Variants in KDM4C observed in about 807,000 individuals in gnomAD.
KDM4C encodes the protein lysine-specific demethylase 4C.
A neutral mutation model predicts 129.3 loss-of-function variants in KDM4C; 81 were observed. The ratio of observed to expected loss-of-function variants is 0.63; its 90% CI spans 0.52 to 0.75. The LOEUF is 0.75. Ranked by LOEUF, KDM4C falls within the 30% of genes least tolerant of loss-of-function variation. The pLI is 0.00. For missense variants in KDM4C, 1,457 were observed against 1,304.0 expected, an observed-to-expected ratio of 1.12 and a Z score of -1.81; for synonymous variants, 573 against 456.1, an observed-to-expected ratio of 1.26 and a Z score of -3.26.
intron 8 of KDM4C, among the ~76,000 whole-genome samples, chr9:6,894,767 C>G (rs1443495433): frequency 2.0e-5 from 3 of 152,186 alleles, no homozygotes; most frequent in Non-Finnish European, 4.4e-5. Flanking sequence ...GAAATCCCAG[C>G]TGACAGAGCC....
At chr9:6,930,263 C>T (rs1232407550) in intron 8 of KDM4C, among the ~76,000 whole-genome samples, 1 of 152,134 alleles carries the variant, frequency 6.6e-6, no homozygotes. Context: ...TGAATTTTCA[C>T]ATTCTCAGAA....
intron 15 of KDM4C, among the ~76,000 whole-genome samples, chr9:7,028,747 A>G (rs1826221862): frequency 6.6e-6 from 1 of 151,958 alleles, no homozygotes; most frequent in Non-Finnish European, 1.5e-5. Context: ...TGGAACTGGG[A>G]TGTGTGATCT....
At position 7,095,588 on chromosome 9, in the gene KDM4C, G is replaced by A. The variant is rs12115780; in HGVS notation, c.2425-8097G>A. On this transcript the variant is annotated intron_variant, in intron 17 of 21. Transcript: ENST00000381309. Reference sequence around the variant, plus strand: ...CCAGCCTTCCTAAATTGTGCCATATGGGAAAATTATGTGTCCTTTAATTTA... The same window carrying A: ...CCAGCCTTCCTAAATTGTGCCATATAGGAAAATTATGTGTCCTTTAATTTA... Among the ~76,000 whole-genome samples the A allele has an allele frequency of 4.4e-3, 665 of 151,808 alleles. 4 individuals are homozygous for A. Among genetic ancestry groups the A allele is most frequent in the African/African-American group, 0.015 (621 of 41,404 alleles).
At chr9:7,163,770 A>C (rs1844059303) in intron 19 of KDM4C, among the ~76,000 whole-genome samples, 1 of 152,202 alleles carries the variant, frequency 6.6e-6, no homozygotes, top group Non-Finnish European at 1.5e-5. Flanking sequence ...CTACCCTTTC[A>C]ATTCCACATG....
chr9:7,060,723 G>A (rs888187552), intron 17 of KDM4C, among the ~76,000 whole-genome samples: 3 of 151,920 alleles, frequency 2.0e-5, no homozygotes, highest in Admixed American at 6.6e-5. Context: ...CTCGTGATCC[G>A]CCTGCCTCGG....
chr9:6,883,237 C>T (rs1357245860), intron 6 of KDM4C, among the ~76,000 whole-genome samples: 1 of 152,094 alleles, frequency 6.6e-6, no homozygotes, highest in Admixed American at 6.6e-5. Flanking sequence ...AGCTGATAGT[C>T]TGAAATATTA....
intron 5 of KDM4C, among the ~76,000 whole-genome samples, chr9:6,877,140 A>G: frequency 6.6e-6 from 1 of 152,140 alleles, no homozygotes; most frequent in East Asian, 1.9e-4. Flanking sequence ...GCTGGTAATT[A>G]GAGGTGTTAG....
intron 5 of KDM4C, among the ~76,000 whole-genome samples, chr9:6,866,264 T>G (rs1319288952): frequency 6.6e-6 from 1 of 152,186 alleles, no homozygotes; most frequent in Non-Finnish European, 1.5e-5. Context: ...CCAAGGATAT[T>G]CTTGACCCTT....
rs114184041 is a variant in KDM4C, at chr9:6,835,546, G to A, written c.436-13961G>A. ...CAGCAAGCAGGAGTATGATGAGTCC[G>A]GCTCCATCATCCATCCTTCAAATGC... On this transcript the variant is annotated intron_variant, in intron 4 of 21. Transcript: ENST00000381309. The A allele has an allele frequency of 2.3e-3, 3,155 of 1,351,564 alleles. 55 individuals carry two copies. In the African/African-American group the frequency reaches 0.038, roughly 16 times the overall value. The allele number at this position is 1,351,564 out of a possible 1,614,324, so 83.7% of individuals were successfully genotyped here. A position where few individuals can be genotyped will look rare whatever the true frequency, so the allele number is the denominator to read the frequency against.
chr9:6,968,079 A>G (rs1037059808), intron 8 of KDM4C, among the ~76,000 whole-genome samples: 3 of 152,234 alleles, frequency 2.0e-5, no homozygotes, highest in Admixed American at 6.5e-5. Context: ...TATCACTATC[A>G]GCGTGAATTT....
At chr9:7,019,742 A>G (rs1163574149) in intron 15 of KDM4C, among the ~76,000 whole-genome samples, 5 of 125,282 alleles carry the variant, frequency 4.0e-5, no homozygotes, top group African/African-American at 6.1e-5. Flanking sequence ...ATATAAAAAT[A>G]TAATATTTTT....
chr9:6,862,283 C>G (rs968071250), intron 5 of KDM4C, among the ~76,000 whole-genome samples: 8 of 152,064 alleles, frequency 5.3e-5, no homozygotes, highest in African/African-American at 1.9e-4. Context: ...CTTACTGTGC[C>G]TACCTAATGA....
intron 1 of KDM4C, among the ~76,000 whole-genome samples, chr9:6,744,765 G>A (rs1028482870): frequency 6.6e-6 from 1 of 152,012 alleles, no homozygotes; most frequent in Non-Finnish European, 1.5e-5. Context: ...ACAGACTCCA[G>A]GAGTGGTGTG....
intron 1 of KDM4C, 51 bp from the exon 2 acceptor site, chr9:6,792,921 C>T: frequency 6.4e-7 from 1 of 1,573,444 alleles, no homozygotes; most frequent in African/African-American, 1.4e-5. Context: ...TTAAAAATGA[C>T]CTAAAGCATA....
intron 1 of KDM4C, among the ~76,000 whole-genome samples, chr9:6,767,715 T>C (rs942610227): frequency 6.6e-6 from 1 of 152,162 alleles, no homozygotes; most frequent in Non-Finnish European, 1.5e-5. Flanking sequence ...CGCTTCAGCC[T>C]TCCAAAGTGC....
chr9:6,908,460 C>A (rs1818713029), intron 8 of KDM4C, among the ~76,000 whole-genome samples: 1 of 152,304 alleles, frequency 6.6e-6, no homozygotes, highest in African/African-American at 2.4e-5. Flanking sequence ...CCCCACCACT[C>A]ATTCTTTCAC....
intron 8 of KDM4C, among the ~76,000 whole-genome samples, chr9:6,967,949 T>G (rs776342866): frequency 6.6e-6 from 1 of 152,186 alleles, no homozygotes; most frequent in Non-Finnish European, 1.5e-5. Context: ...ATATTAATAG[T>G]TTCTCATGGG....
At chr9:6,767,940 T>G (rs1400550451) in intron 1 of KDM4C, among the ~76,000 whole-genome samples, 1 of 152,140 alleles carries the variant, frequency 6.6e-6, no homozygotes, top group Non-Finnish European at 1.5e-5. Flanking sequence ...TAAGTTTGTA[T>G]TATATATACA....
At chr9:6,845,462 T>C (rs1343197029) in intron 4 of KDM4C, among the ~76,000 whole-genome samples, 1 of 152,096 alleles carries the variant, frequency 6.6e-6, no homozygotes, top group Non-Finnish European at 1.5e-5. Flanking sequence ...TGATTCTCCT[T>C]CCTTGGCCTC....
Sources: allele counts gnomAD v4.1 joint callset (sites outside exome capture counted in the v4.1 genomes callset), GRCh38; gene constraint gnomAD v4.1.1; transcripts MANE v1.5; gene names NCBI Gene and HGNC (gene_info 2026-07-23, HGNC 2026-07-21).